Variants in NEGR1 observed in about 807,000 individuals in gnomAD.
The protein encoded by NEGR1 is neuronal growth regulator 1.
A neutral mutation model predicts 40.9 loss-of-function variants in NEGR1; 10 were observed. That is an observed-to-expected ratio of 0.24 (90% CI 0.15 to 0.42). NEGR1 has a LOEUF of 0.42. NEGR1 is among the 10% of genes least tolerant of loss of function. NEGR1 has a pLI of 1.00. For missense variants in NEGR1, 352 were observed against 438.9 expected, an observed-to-expected ratio of 0.80 and a Z score of 1.77; for synonymous variants, 185 against 166.8, an observed-to-expected ratio of 1.11 and a Z score of -0.84.
In NEGR1 at chr1:71,701,386, C is replaced by G. The variant is rs185450391; in HGVS notation, c.536-3247G>C. ...AGCTTTTAGAGGCTACAAGCATTCC[C>G]TGACTCATATTCCCCTTTCTCCATT... On this transcript the variant is annotated intron_variant, in intron 3 of 6. Coordinates refer to ENST00000357731, the MANE Select transcript of NEGR1 (RefSeq NM_173808.3). Among the ~76,000 whole-genome samples the G allele has an allele frequency of 1.9e-3, 282 of 152,080 alleles. 2 individuals are homozygous for G. Among genetic ancestry groups the G allele is most frequent in the African/African-American group, 6.6e-3 (275 of 41,530 alleles).
rs17091166 is a variant in NEGR1 at position 71,404,076 on chromosome 1, A to T, written c.*3370T>A. On this transcript the variant is annotated 3_prime_UTR_variant, in exon 7 of 7. Transcript: ENST00000357731. ...TGGATAAATTAACAATTGTTCAGTA[A>T]ATTTGATCATTATAGATGATTGACT... is the stretch of plus-strand genomic sequence containing the variant. 5.2e-3 allele frequency: 1,438 copies of T among 277,258 alleles called. 13 individuals carry two copies. The highest frequency in any genetic ancestry group is 0.028 in the African/African-American group (1,292 of 46,142). 17.2% of individuals were successfully genotyped at this position (277,258 alleles called of 1,614,324 possible). A position where few individuals can be genotyped will look rare whatever the true frequency, so the allele number is the denominator to read the frequency against.
chr1:71,585,059 T>C (rs753401585), intron 6 of NEGR1, among the ~76,000 whole-genome samples: 16 of 152,074 alleles, frequency 1.1e-4, no homozygotes, highest in Non-Finnish European at 8.8e-5. Flanking sequence ...AGGCCAGCAG[T>C]GCTCTTGAGC....
intron 6 of NEGR1, among the ~76,000 whole-genome samples, chr1:71,543,632 G>T (rs186577953): frequency 1.1e-4 from 16 of 151,764 alleles, no homozygotes; most frequent in African/African-American, 3.4e-4. Flanking sequence ...ATACATAAAA[G>T]AAATATGTGA....
chr1:71,844,056 C>A (rs1570422447), intron 2 of NEGR1, among the ~76,000 whole-genome samples: 1 of 152,098 alleles, frequency 6.6e-6, no homozygotes, highest in East Asian at 1.9e-4. Context: ...TGATAAGTGT[C>A]ACATCCAATT....
Position 71,938,211 on chromosome 1 carries a change from A to C in NEGR1, c.177-2900T>G, listed in dbSNP as rs113573817. Among the ~76,000 whole-genome samples, 290 of 152,248 alleles carry C rather than the reference A, an allele frequency of 1.9e-3. 1 individual carries two copies. The highest frequency in any genetic ancestry group is 6.6e-3 in the African/African-American group (275 of 41,560). On this transcript the variant is annotated intron_variant, in intron 1 of 6. Coordinates refer to ENST00000357731, the MANE Select transcript of NEGR1 (RefSeq NM_173808.3). ...CTCAAATGTTCTACATTATTATGTTAGAACATAAATAACCCAAATTACCAT... is the reference window on the plus strand; with the variant it reads ...CTCAAATGTTCTACATTATTATGTTCGAACATAAATAACCCAAATTACCAT...
intron 1 of NEGR1, among the ~76,000 whole-genome samples, chr1:71,946,318 C>A (rs1646018768): frequency 1.3e-5 from 2 of 151,884 alleles, no homozygotes; most frequent in African/African-American, 4.8e-5. Context: ...TTTCTTCTTG[C>A]TTGTATGGTT....
chr1:71,935,017 C>A (rs1160380665), intron 2 of NEGR1, 62 bp downstream of exon 2: 21 of 949,668 alleles, frequency 2.2e-5, no homozygotes, highest in South Asian at 5.7e-5. Context: ...CATTTTGATA[C>A]CTAAATATTA....
At chr1:71,823,951 C>T (rs1011258605) in intron 2 of NEGR1, among the ~76,000 whole-genome samples, 3 of 151,910 alleles carry the variant, frequency 2.0e-5, no homozygotes, top group Admixed American at 6.6e-5. Flanking sequence ...CATAACTGTG[C>T]GTCTGACTGA....
intron 6 of NEGR1, among the ~76,000 whole-genome samples, chr1:71,590,532 G>A (rs1399135149): frequency 1.3e-5 from 2 of 151,910 alleles, no homozygotes; most frequent in African/African-American, 2.4e-5. Context: ...CCGGGTGTAG[G>A]CATTGTAGAT....
chr1:71,481,203 A>G (rs761456200), intron 6 of NEGR1, among the ~76,000 whole-genome samples: 34 of 151,916 alleles, frequency 2.2e-4, no homozygotes, highest in Admixed American at 3.3e-4. Flanking sequence ...TTTCCATGCT[A>G]TCTTTTCCTG....
At chr1:71,732,233 G>A (rs772274934) in intron 3 of NEGR1, among the ~76,000 whole-genome samples, 15 of 152,054 alleles carry the variant, frequency 9.9e-5, no homozygotes, top group Non-Finnish European at 2.1e-4. Context: ...GCTTGGGTCC[G>A]AGAAGTAGGG....
intron 6 of NEGR1, among the ~76,000 whole-genome samples, chr1:71,534,317 G>A (rs1285157645): frequency 6.6e-6 from 1 of 151,610 alleles, no homozygotes; most frequent in Non-Finnish European, 1.5e-5. Flanking sequence ...TAGTTTAGCA[G>A]TAGTTATAAA....
chr1:71,750,105 T>C (rs1325251699), intron 3 of NEGR1, among the ~76,000 whole-genome samples: 1 of 151,764 alleles, frequency 6.6e-6, no homozygotes, highest in East Asian at 2.0e-4. Flanking sequence ...GCCATTCTCC[T>C]GCCTCAGCCT....
At chr1:72,259,655 C>A (rs1307045283) in intron 1 of NEGR1, among the ~76,000 whole-genome samples, 3 of 151,962 alleles carry the variant, frequency 2.0e-5, no homozygotes, top group African/African-American at 7.2e-5. Flanking sequence ...TGAATCAAAG[C>A]TATTATGGAA....
chr1:72,125,865 T>C (rs780386566), intron 1 of NEGR1, among the ~76,000 whole-genome samples: 2 of 152,176 alleles, frequency 1.3e-5, no homozygotes, highest in East Asian at 1.9e-4. Flanking sequence ...GATTTTACAG[T>C]GGTCATATGG....
chr1:72,173,326 A>C (rs941480675), intron 1 of NEGR1, among the ~76,000 whole-genome samples: 1 of 148,964 alleles, frequency 6.7e-6, no homozygotes, highest in Non-Finnish European at 1.5e-5. Flanking sequence ...AATTGTTAGC[A>C]ATCTTATTTT....
At chr1:71,675,667 T>G (rs1230592880) in intron 4 of NEGR1, among the ~76,000 whole-genome samples, 2 of 152,082 alleles carry the variant, frequency 1.3e-5, no homozygotes, top group African/African-American at 4.8e-5. Flanking sequence ...AGTTAGAAAC[T>G]GACGTGTACT....
At chr1:71,635,543 T>A (rs1651120006) in intron 4 of NEGR1, among the ~76,000 whole-genome samples, 1 of 152,034 alleles carries the variant, frequency 6.6e-6, no homozygotes, top group Non-Finnish European at 1.5e-5. Flanking sequence ...AGATTGGATC[T>A]GAGGGAAATA....
intron 1 of NEGR1, among the ~76,000 whole-genome samples, chr1:72,079,304 A>G (rs1433043186): frequency 6.6e-6 from 1 of 151,962 alleles, no homozygotes; most frequent in Non-Finnish European, 1.5e-5. Flanking sequence ...ATAAACAACT[A>G]TCCATCACAT....
Sources: gnomAD v4.1 joint callset for allele counts (sites outside exome capture counted in the v4.1 genomes callset) on GRCh38, gnomAD v4.1.1 for gene constraint, MANE v1.5 for transcripts, NCBI Gene and HGNC (gene_info 2026-07-23, HGNC 2026-07-21) for gene names.